The following RBMS1 variants were observed in gnomAD, a reference collection of about 807,000 sequenced individuals.
RBMS1 encodes RNA binding motif single stranded interacting protein 1.
RBMS1 carries 17 observed loss-of-function variants against 62.3 expected under a neutral mutation model. The observed-to-expected ratio is 0.27, with a 90% confidence interval of 0.19 to 0.41. The LOEUF is 0.41. RBMS1 is among the 10% of genes least tolerant of loss of function. The pLI is 1.00. For missense variants in RBMS1, 334 were observed against 504.5 expected (o/e 0.66, Z 3.24); for synonymous variants, 172 against 170.0 (o/e 1.01, Z -0.09).
chr2:160,444,215 T>A (rs1440620531), intron 1 of RBMS1, among the ~76,000 whole-genome samples: 2 of 152,106 alleles, frequency 1.3e-5, no homozygotes, highest in African/African-American at 4.8e-5. Flanking sequence ...ATACATTGTA[T>A]AAAATAAAAC....
chr2:160,489,664 C>T (rs552768581), intron 1 of RBMS1, among the ~76,000 whole-genome samples: 3 of 151,998 alleles, frequency 2.0e-5, no homozygotes, highest in South Asian at 2.1e-4. Context: ...GTGTCATAAG[C>T]GTATGTAAAA....
chr2:160,305,161 A>AT (rs1689433954), intron 4 of RBMS1, among the ~76,000 whole-genome samples: 2 of 152,112 alleles, frequency 1.3e-5, no homozygotes, highest in South Asian at 2.1e-4. Flanking sequence ...CCAGAAAGAA[A>AT]TTTTTTAAAA....
chr2:160,392,148 C>G lies in RBMS1; in HGVS notation c.76-24757G>C, dbSNP rs181396987. Among the ~76,000 whole-genome samples the G allele has an allele frequency of 2.6e-5, 4 of 152,144 alleles. No individual in the cohort carries two copies. In the East Asian group the frequency reaches 7.7e-4, roughly 29 times the overall value. On this transcript the variant is annotated intron_variant, in intron 1 of 13. Transcript: ENST00000348849. The stretch of plus-strand genomic sequence containing the variant: ...ACCTTCACTTGGTTTTATTTTGTAC[C>G]TACCTATACTGATGGTGCTAATAAG...
intron 6 of RBMS1, among the ~76,000 whole-genome samples, chr2:160,289,871 G>A (rs917205233): frequency 2.0e-5 from 3 of 151,392 alleles, no homozygotes; most frequent in Non-Finnish European, 4.4e-5. Flanking sequence ...GATTGTCCAT[G>A]TGCCCTAGGA....
chr2:160,419,704 T>C (rs936211532), intron 1 of RBMS1, among the ~76,000 whole-genome samples: 30 of 152,234 alleles, frequency 2.0e-4, no homozygotes, highest in Admixed American at 6.5e-5. Flanking sequence ...TTCTTGGTGC[T>C]ACAGCACCTA....
chr2:160,345,594 ATC>A (rs1374083227), intron 2 of RBMS1, among the ~76,000 whole-genome samples: 3 of 152,198 alleles, frequency 2.0e-5, no homozygotes, highest in African/African-American at 7.2e-5. Flanking sequence ...AAGTCAGGTC[ATC>A]TGTTTCTAAA....
At chr2:160,342,988 G>A (rs1046630563) in intron 2 of RBMS1, among the ~76,000 whole-genome samples, 9 of 151,860 alleles carry the variant, frequency 5.9e-5, no homozygotes, top group African/African-American at 1.9e-4. Flanking sequence ...TATCTCCCAT[G>A]AACTGGAATA....
At chr2:160,471,208 G>T (rs1168222453) in intron 1 of RBMS1, among the ~76,000 whole-genome samples, 1 of 152,106 alleles carries the variant, frequency 6.6e-6, no homozygotes, top group Non-Finnish European at 1.5e-5. Context: ...GCTGGGCAGG[G>T]AAATAAAAAC....
chr2:160,443,211 CAA>C (rs67505228), intron 1 of RBMS1, among the ~76,000 whole-genome samples: 3 of 133,244 alleles, frequency 2.3e-5, no homozygotes, highest in Admixed American at 7.2e-5. Context: ...CTTAAGAAAA[CAA>C]AAAAAAAAAC....
intron 1 of RBMS1, among the ~76,000 whole-genome samples, chr2:160,432,704 T>A (rs1374288498): frequency 2.6e-5 from 4 of 152,094 alleles, no homozygotes; most frequent in Non-Finnish European, 4.4e-5. Context: ...GAATGTAAGA[T>A]GTTTGGGCGG....
intron 1 of RBMS1, among the ~76,000 whole-genome samples, chr2:160,472,572 G>T (rs972315690): frequency 7.9e-5 from 12 of 152,030 alleles, no homozygotes; most frequent in Admixed American, 5.2e-4. Context: ...GCTATTTTTT[G>T]AAAATGTCTG....
At chr2:160,375,047 G>A (rs897574433) in intron 1 of RBMS1, among the ~76,000 whole-genome samples, 8 of 152,158 alleles carry the variant, frequency 5.3e-5, no homozygotes, top group Non-Finnish European at 1.2e-4. Flanking sequence ...AGGTCTTCAC[G>A]TGTGAAATAA....
chr2:160,493,619 G>C lies in RBMS1; in HGVS notation c.-256C>G, dbSNP rs1685970206. 3.6e-6 allele frequency: 2 copies of C among 561,420 alleles called. No homozygotes were observed. Among genetic ancestry groups the C allele is most frequent in the African/African-American group, 3.9e-5 (2 of 51,098 alleles). 34.8% of individuals were successfully genotyped at this position (561,420 alleles called of 1,614,324 possible). On this transcript the variant is annotated 5_prime_UTR_variant, in exon 1 of 14. Coordinates refer to ENST00000348849, the MANE Select transcript of RBMS1 (RefSeq NM_016836.4). ...CAGGCAGAAAGAAAGACACTGCAGA[G>C]CGCAGAGGGCACCCCGGACAGGGCG...
chr2:160,480,111 A>AT (rs1434007160), intron 1 of RBMS1, among the ~76,000 whole-genome samples: 1 of 152,164 alleles, frequency 6.6e-6, no homozygotes, highest in Non-Finnish European at 1.5e-5. Context: ...TGCTTTCACA[A>AT]TATCAGGGGC....
Position 160,424,989 on chromosome 2 carries a change from TA to T in RBMS1, c.76-57599del, listed in dbSNP as rs573354732. 6.2e-3 allele frequency among the ~76,000 whole-genome samples: 906 copies of T among 147,036 alleles called. 12 individuals are homozygous for T. Among genetic ancestry groups the T allele is most frequent in the African/African-American group, 0.02 (788 of 40,222 alleles). ...TTATTAAGATGAAGATCTGAAGGATTAAAAAAAAAAAGTCTTCAGATCCCTA... is the reference window on the plus strand; with the variant it reads ...TTATTAAGATGAAGATCTGAAGGATTAAAAAAAAAAGTCTTCAGATCCCTA... On this transcript the variant is annotated intron_variant, in intron 1 of 13. Coordinates refer to ENST00000348849, the MANE Select transcript of RBMS1 (RefSeq NM_016836.4).
intron 1 of RBMS1, among the ~76,000 whole-genome samples, chr2:160,449,147 C>A (rs1456443676): frequency 1.3e-5 from 2 of 151,336 alleles, no homozygotes; most frequent in Non-Finnish European, 2.9e-5. Context: ...GCAGCCGCCC[C>A]CACTGGGAAG....
intron 4 of RBMS1, among the ~76,000 whole-genome samples, chr2:160,309,639 G>A (rs1024597039): frequency 1.3e-5 from 2 of 152,188 alleles, no homozygotes; most frequent in African/African-American, 4.8e-5. Context: ...GATCAATTTA[G>A]GGAGGTGGGG....
intron 1 of RBMS1, among the ~76,000 whole-genome samples, chr2:160,454,060 C>G (rs185844297): frequency 1.1e-4 from 16 of 152,294 alleles, no homozygotes; most frequent in Admixed American, 1.0e-3. Context: ...TTATCTCCTG[C>G]TTATACTGAG....
Position 160,493,540 on chromosome 2 carries a change from TCTTCC to T in RBMS1, c.-182_-178del, listed in dbSNP as rs1685960712. The stretch of plus-strand genomic sequence containing the variant: ...CCAGACGTCCTCCTCCTCCTCCTCC[TCTTCC>T]TCCTCCTCCTCCTCCTCCTCCTCCT... On this transcript the variant is annotated 5_prime_UTR_variant, in exon 1 of 14. Coordinates refer to ENST00000348849, the MANE Select transcript of RBMS1 (RefSeq NM_016836.4). 1.5e-4 allele frequency: 89 copies of T among 598,472 alleles called. No homozygotes were observed. Among genetic ancestry groups the T allele is most frequent in the Non-Finnish European group, 1.8e-4 (60 of 338,604 alleles). The allele number at this position is 598,472 out of a possible 1,614,324, so 37.1% of individuals were successfully genotyped here. A position where few individuals can be genotyped will look rare whatever the true frequency, so the allele number is the denominator to read the frequency against.
Sources: gnomAD v4.1 joint callset for allele counts (sites outside exome capture counted in the v4.1 genomes callset) on GRCh38, gnomAD v4.1.1 for gene constraint, MANE v1.5 for transcripts, NCBI Gene and HGNC (gene_info 2026-07-23, HGNC 2026-07-21) for gene names.